PDSS2: variants seen among roughly 807,000 people sequenced by gnomAD.
PDSS2 encodes the protein decaprenyl diphosphate synthase subunit 2.
Under a neutral mutation model 44.5 loss-of-function variants are expected in PDSS2, and 31 were observed. The observed-to-expected ratio is 0.70, with a 90% CI of 0.52 to 0.94. PDSS2 has a LOEUF of 0.94. PDSS2 is among the 40% of genes least tolerant of loss of function. The probability of loss-of-function intolerance (pLI) is 0.00; values close to 1 mark genes in which losing one functional copy is unlikely to be tolerated. For synonymous variants in PDSS2, 157 were observed against 180.3 expected, an observed-to-expected ratio of 0.87 and a Z score of 1.03; for missense variants, 452 against 482.2, an observed-to-expected ratio of 0.94 and a Z score of 0.59.
At chr6:107,189,539 T>C (rs1157242086) in intron 7 of PDSS2, among the ~76,000 whole-genome samples, 1 of 152,114 alleles carries the variant, frequency 6.6e-6, no homozygotes, top group Non-Finnish European at 1.5e-5. Flanking sequence ...GGTTTCACCA[T>C]GTTGATCAGG....
chr6:107,390,663 T>G (rs1779751348), intron 1 of PDSS2, among the ~76,000 whole-genome samples: 1 of 152,110 alleles, frequency 6.6e-6, no homozygotes, highest in South Asian at 2.1e-4. Context: ...CATGATTATA[T>G]CAGATGTTAA....
At chr6:107,436,710 T>C (rs1163060802) in intron 1 of PDSS2, among the ~76,000 whole-genome samples, 1 of 152,098 alleles carries the variant, frequency 6.6e-6, no homozygotes, top group Non-Finnish European at 1.5e-5. Context: ...TAGTTTCAAA[T>C]AGCTAGGAGG....
At chr6:107,255,198 ATTTTT>A (rs771098042) in intron 3 of PDSS2, among the ~76,000 whole-genome samples, 1 of 126,362 alleles carries the variant, frequency 7.9e-6, no homozygotes, top group Non-Finnish European at 1.7e-5. Context: ...ATTGCATTCT[ATTTTT>A]TTTTTTTTTT....
chr6:107,323,014 A>G (rs1188683045), intron 2 of PDSS2, among the ~76,000 whole-genome samples: 1 of 152,206 alleles, frequency 6.6e-6, no homozygotes, highest in Non-Finnish European at 1.5e-5. Context: ...AGGAAAGTCC[A>G]AGAGCACAGT....
intron 3 of PDSS2, among the ~76,000 whole-genome samples, chr6:107,247,465 C>T (rs781723029): frequency 1.4e-4 from 22 of 152,124 alleles, no homozygotes; most frequent in Non-Finnish European, 2.9e-4. Context: ...TATAAATGAC[C>T]TGTACTTACA....
intron 4 of PDSS2, among the ~76,000 whole-genome samples, chr6:107,242,495 T>G (rs2114791286): frequency 6.6e-6 from 1 of 152,178 alleles, no homozygotes; most frequent in Non-Finnish European, 1.5e-5. Context: ...CCGCCTGCCT[T>G]GGCCTCCCAA....
At chr6:107,226,152 C>CA (rs1773812662) in intron 4 of PDSS2, among the ~76,000 whole-genome samples, 1 of 151,892 alleles carries the variant, frequency 6.6e-6, no homozygotes, top group Non-Finnish European at 1.5e-5. Context: ...ACTAAAAATA[C>CA]AAAAAAATTA....
intron 1 of PDSS2, among the ~76,000 whole-genome samples, chr6:107,352,678 G>A (rs1230094248): frequency 6.6e-6 from 1 of 152,138 alleles, no homozygotes; most frequent in Non-Finnish European, 1.5e-5. Flanking sequence ...AAACTGGCTG[G>A]TTCATATAGA....
chr6:107,323,671 CA>C (rs1777451903), intron 2 of PDSS2, among the ~76,000 whole-genome samples: 1 of 152,048 alleles, frequency 6.6e-6, no homozygotes, highest in South Asian at 2.1e-4. Context: ...CTGACTCTGC[CA>C]ATAAAATTAA....
chr6:107,306,071 GCCATATGGGT>G (rs1776850080), intron 2 of PDSS2, among the ~76,000 whole-genome samples: 1 of 152,102 alleles, frequency 6.6e-6, no homozygotes, highest in African/African-American at 2.4e-5. Context: ...GTACCCCAAG[GCCATATGGGT>G]GACAGAAGTA....
At chr6:107,172,998 C>T (rs1228946292) in intron 7 of PDSS2, among the ~76,000 whole-genome samples, 1 of 151,662 alleles carries the variant, frequency 6.6e-6, no homozygotes, top group Non-Finnish European at 1.5e-5. Flanking sequence ...GTGGCGTGCA[C>T]CTGTTGTCCC....
intron 2 of PDSS2, among the ~76,000 whole-genome samples, chr6:107,294,501 C>G (rs1392859449): frequency 6.6e-6 from 1 of 151,972 alleles, no homozygotes; most frequent in African/African-American, 2.4e-5. Flanking sequence ...CCTGCCTCAG[C>G]CTCGTGAGTA....
intron 7 of PDSS2, among the ~76,000 whole-genome samples, chr6:107,165,481 G>A (rs1771310089): frequency 6.6e-6 from 1 of 152,150 alleles, no homozygotes; most frequent in South Asian, 2.1e-4. Flanking sequence ...TTGTAGATGT[G>A]TGGTATTATT....
At chr6:107,261,054 T>G (rs1014232232) in intron 3 of PDSS2, among the ~76,000 whole-genome samples, 1 of 152,216 alleles carries the variant, frequency 6.6e-6, no homozygotes, top group Non-Finnish European at 1.5e-5. Context: ...GTACTCTTCT[T>G]TTCCCTTTCT....
At chr6:107,371,984 C>A (rs1447352835) in intron 1 of PDSS2, among the ~76,000 whole-genome samples, 2 of 152,134 alleles carry the variant, frequency 1.3e-5, no homozygotes, top group Admixed American at 1.3e-4. Flanking sequence ...TATAGTTGAA[C>A]CAAGGCAAAA....
chr6:107,357,465 TA>T (rs1778627756), intron 1 of PDSS2, among the ~76,000 whole-genome samples: 1 of 151,968 alleles, frequency 6.6e-6, no homozygotes, highest in African/African-American at 2.4e-5. Flanking sequence ...AATCTCAAAA[TA>T]AAAGCTTTCC....
intron 1 of PDSS2, among the ~76,000 whole-genome samples, chr6:107,366,759 C>T (rs887646398): frequency 2.0e-5 from 3 of 151,902 alleles, no homozygotes; most frequent in African/African-American, 7.2e-5. Context: ...GAGAGTCAGA[C>T]ATTTCCGAAA....
At chr6:107,457,010 G>A (rs1053565419) in intron 1 of PDSS2, among the ~76,000 whole-genome samples, 7 of 152,180 alleles carry the variant, frequency 4.6e-5, no homozygotes, top group Admixed American at 4.6e-4. Context: ...ATGTGTATGT[G>A]TTTTGAGTGT....
At chr6:107,354,665 T>A (rs1225766437) in intron 1 of PDSS2, among the ~76,000 whole-genome samples, 1 of 152,198 alleles carries the variant, frequency 6.6e-6, no homozygotes, top group Non-Finnish European at 1.5e-5. Context: ...GAAGGGGCTG[T>A]ACAGTAGGCT....
Sources: allele counts gnomAD v4.1 joint callset (sites outside exome capture counted in the v4.1 genomes callset), GRCh38; gene constraint gnomAD v4.1.1; transcripts MANE v1.5; gene names NCBI Gene and HGNC (gene_info 2026-07-23, HGNC 2026-07-21).